The following ABCC2 variants were observed in gnomAD, a reference collection of about 807,000 sequenced individuals.
ABCC2 encodes the protein ATP-binding cassette sub-family C member 2.
ABCC2 carries 157 observed loss-of-function variants against 173.4 expected under a neutral mutation model. That is an observed-to-expected ratio of 0.91 (90% CI 0.80 to 1.03). The LOEUF (loss-of-function observed/expected upper bound fraction) is 1.03. Ranked by LOEUF, ABCC2 falls within the 50% of genes least tolerant of loss-of-function variation. The pLI is 0.00. For missense variants in ABCC2, 1,822 were observed against 1,852.3 expected (o/e 0.98, Z 0.30); for synonymous variants, 657 against 693.5 (o/e 0.95, Z 0.83).
intron 16 of ABCC2, among the ~76,000 whole-genome samples, chr10:99,813,459 T>C (rs986078850): frequency 3.9e-5 from 6 of 152,202 alleles, no homozygotes; most frequent in Non-Finnish European, 8.8e-5. Flanking sequence ...CTCACGCCTA[T>C]AATCCCAGCA....
At chr10:99,811,492 C>T (rs369049819) in intron 14 of ABCC2, 44 bp from the exon 15 acceptor site, 60 of 1,595,352 alleles carry the variant, frequency 3.8e-5, no homozygotes, top group South Asian at 2.5e-4. Context: ...CAGACAGTCA[C>T]GTGGGGACCT....
intron 28 of ABCC2, among the ~76,000 whole-genome samples, chr10:99,844,955 C>T (rs1243179889): frequency 6.6e-6 from 1 of 152,176 alleles, no homozygotes; most frequent in Non-Finnish European, 1.5e-5. Flanking sequence ...GAGTCTGGCT[C>T]TCAGCTGGTG....
intron 11 of ABCC2, among the ~76,000 whole-genome samples, chr10:99,806,073 C>CTCTCTGTGTG (rs779146023): frequency 2.3e-5 from 1 of 42,910 alleles, no homozygotes; most frequent in African/African-American, 1.1e-4. Flanking sequence ...CTCTCTCTCT[C>CTCTCTGTGTG]TGTCTGTGTG....
intron 16 of ABCC2, among the ~76,000 whole-genome samples, chr10:99,814,385 A>T (rs1292960787): frequency 8.1e-6 from 1 of 123,426 alleles, no homozygotes; most frequent in East Asian, 2.6e-4. Context: ...ACACATATAT[A>T]CATATATGGG....
chr10:99,817,227 T>TC, intron 16 of ABCC2, 81 bp from the exon 17 acceptor site: 1 of 1,331,880 alleles, frequency 7.5e-7, no homozygotes, highest in Non-Finnish European at 1.1e-6. Flanking sequence ...ATTTGTTTCT[T>TC]CCCCTCTCCA....
intron 9 of ABCC2, among the ~76,000 whole-genome samples, chr10:99,802,763 G>A (rs913505860): frequency 2.6e-5 from 4 of 152,158 alleles, no homozygotes; most frequent in Non-Finnish European, 5.9e-5. Flanking sequence ...CTGGAAAGAT[G>A]CAGTCTACTC....
At chr10:99,827,325 T>C (rs985421571) in intron 19 of ABCC2, among the ~76,000 whole-genome samples, 1 of 152,052 alleles carries the variant, frequency 6.6e-6, no homozygotes, top group Non-Finnish European at 1.5e-5. Flanking sequence ...ACCTTTTCCT[T>C]CTAATTTTAA....
At chr10:99,846,898 G>A (rs2039025419) in intron 29 of ABCC2, 63 bp from the exon 30 acceptor site, 2 of 1,602,038 alleles carry the variant, frequency 1.2e-6, no homozygotes, top group Admixed American at 3.3e-5. Flanking sequence ...TCCCAGTCCT[G>A]AGGAACTCCG....
chr10:99,825,176 G>T, intron 19 of ABCC2, among the ~76,000 whole-genome samples: 2 of 149,294 alleles, frequency 1.3e-5, no homozygotes, highest in African/African-American at 5.0e-5. Context: ...CATGATTTCC[G>T]CACCCCATTG....
chr10:99,827,065 G>C (rs1342174738), intron 19 of ABCC2, among the ~76,000 whole-genome samples: 55 of 150,610 alleles, frequency 3.7e-4, no homozygotes, highest in African/African-American at 1.3e-3. Context: ...GTAGGATTAA[G>C]TCTCCTAGTG....
At chr10:99,832,764 T>C (rs2038761754) in intron 23 of ABCC2, among the ~76,000 whole-genome samples, 1 of 152,212 alleles carries the variant, frequency 6.6e-6, no homozygotes, top group African/African-American at 2.4e-5. Flanking sequence ...TTCTCAAATA[T>C]TGTTTCCATC....
Position 99,845,668 on chromosome 10 carries a change from A to G in ABCC2, c.4032A>G (p.Thr1344=). 3 of 1,614,012 alleles carry G rather than the reference A, an allele frequency of 1.9e-6. No homozygotes were observed. Among genetic ancestry groups the G allele is most frequent in the Non-Finnish European group, 2.5e-6 (3 of 1,179,976 alleles). ...GRTGAGKSSL[T]NCLFRILEAA... ...CAGGAGCTGGAAAGTCATCCCTCAC[A>G]AACTGCCTCTTCAGAATCTTAGAGG... The change falls in exon 29 of 32, where the codon ACA becomes ACG. Residue 1344 remains threonine, a synonymous_variant. Coordinates refer to ENST00000647814, the MANE Select transcript of ABCC2 (RefSeq NM_000392.5).
At position 99,834,492 on chromosome 10, in the gene ABCC2, C is replaced by T. The variant is rs1564696809; in HGVS notation, c.3371C>T (p.Thr1124Ile). 1 of 1,614,170 alleles carries T rather than the reference C, an allele frequency of 6.2e-7. No individual in the cohort carries two copies. Among genetic ancestry groups the T allele is most frequent in the Non-Finnish European group, 8.5e-7 (1 of 1,180,032 alleles). The change falls in exon 24 of 32, where the codon ACC becomes ATC. Residue 1124 changes from threonine (T) to isoleucine (I), a missense_variant. Physicochemically the swap from Thr to Ile is moderately conservative, Grantham distance 89. Coordinates refer to ENST00000647814, the MANE Select transcript of ABCC2 (RefSeq NM_000392.5). ...ATCTGCATGGCCACTCCTGTCTTCA[C>T]CATCATCGTCATTCCTCTTGGCATT... Reference protein sequence around the residue: ...VMICMATPVFTIIVIPLGIIY... With the variant: ...VMICMATPVFIIIVIPLGIIY...
chr10:99,806,089 G>C (rs1434616753), intron 11 of ABCC2, among the ~76,000 whole-genome samples: 23 of 150,336 alleles, frequency 1.5e-4, no homozygotes, highest in African/African-American at 5.2e-4. Context: ...GTGTGTGTGT[G>C]TGTGTGTGTG....
chr10:99,823,526 G>A (rs1373442836), intron 19 of ABCC2, among the ~76,000 whole-genome samples: 3 of 146,794 alleles, frequency 2.0e-5, no homozygotes, highest in Non-Finnish European at 3.0e-5. Context: ...TGATAGGTTG[G>A]TCAAAATCTT....
At chr10:99,812,391 A>C (rs542570562) in intron 15 of ABCC2, among the ~76,000 whole-genome samples, 1 of 152,252 alleles carries the variant, frequency 6.6e-6, no homozygotes, top group Admixed American at 6.5e-5. Flanking sequence ...CAAGTTCCTA[A>C]TGTTCCTAAT....
In ABCC2 at chr10:99,818,786, T is replaced by A. The variant is rs995208512; in HGVS notation, c.2272-4T>A. On this transcript the variant is annotated splice_polypyrimidine_tract_variant and splice_region_variant and intron_variant, in intron 17 of 31. Transcript: ENST00000647814. The stretch of plus-strand genomic sequence containing the variant: ...TGCTTAATATGAATTATTTTCTTCT[T>A]CAGGGTATAAATCTTAGTGGGGGTC... 6.2e-7 allele frequency: 1 copy of A among 1,614,074 alleles called. No homozygotes were observed. The highest frequency in any genetic ancestry group is 8.5e-7 in the Non-Finnish European group (1 of 1,180,022).
chr10:99,784,539 A>T (rs1200598911), intron 1 of ABCC2, 69 bp from the exon 2 acceptor site: 7 of 1,489,754 alleles, frequency 4.7e-6, no homozygotes, highest in African/African-American at 1.4e-5. Flanking sequence ...AAGCAGTGGG[A>T]TGTGCTGCAG....
At chr10:99,807,564 C>G (rs1266356634) in intron 12 of ABCC2, 43 bp downstream of exon 12, 1 of 1,613,202 alleles carries the variant, frequency 6.2e-7, no homozygotes, top group Non-Finnish European at 8.5e-7. Flanking sequence ...TCACCTGGAC[C>G]TGCATCAGCT....
Sources: gnomAD v4.1 joint callset for allele counts (sites outside exome capture counted in the v4.1 genomes callset) on GRCh38, gnomAD v4.1.1 for gene constraint, MANE v1.5 for transcripts, NCBI Gene and HGNC (gene_info 2026-07-23, HGNC 2026-07-21) for gene names.